RGS22: variants seen among roughly 807,000 people sequenced by gnomAD.
RGS22 encodes regulator of G protein signaling 22.
RGS22 carries 148 observed loss-of-function variants against 172.9 expected under a neutral mutation model. The ratio of observed to expected loss-of-function variants is 0.86; its 90% CI spans 0.75 to 0.98. RGS22 has a LOEUF of 0.98. Ranked by LOEUF, RGS22 falls within the 50% of genes least tolerant of loss-of-function variation. The pLI is 0.00. For synonymous variants in RGS22, 458 were observed against 480.2 expected, an observed-to-expected ratio of 0.95 and a Z score of 0.60; for missense variants, 1,347 against 1,440.8, an observed-to-expected ratio of 0.93 and a Z score of 1.05.
intron 14 of RGS22, among the ~76,000 whole-genome samples, chr8:100,030,371 T>C (rs1224310273): frequency 2.6e-5 from 4 of 152,244 alleles, no homozygotes; most frequent in Admixed American, 2.6e-4. Context: ...TTTTTTAGAA[T>C]GTACTCCTTC....
At chr8:99,981,281 A>C (rs1812520930) in intron 22 of RGS22, among the ~76,000 whole-genome samples, 1 of 152,184 alleles carries the variant, frequency 6.6e-6, no homozygotes, top group African/African-American at 2.4e-5. Flanking sequence ...TTTTCCTTTC[A>C]TGAGTTTGTA....
intron 4 of RGS22, among the ~76,000 whole-genome samples, chr8:100,072,808 C>G (rs1009141069): frequency 6.6e-6 from 1 of 152,164 alleles, no homozygotes; most frequent in Admixed American, 6.5e-5. Context: ...AGGTTTCCCA[C>G]AGAACACGCA....
chr8:100,101,366 A>C (rs1813467312), intron 2 of RGS22, among the ~76,000 whole-genome samples: 1 of 150,038 alleles, frequency 6.7e-6, no homozygotes, highest in South Asian at 2.1e-4. Context: ...AGCTCGCTGC[A>C]ACCTCTGCCT....
intron 23 of RGS22, among the ~76,000 whole-genome samples, chr8:99,966,274 A>T (rs1810721933): frequency 6.6e-6 from 1 of 152,170 alleles, no homozygotes; most frequent in Non-Finnish European, 1.5e-5. Context: ...TGACTCCAAA[A>T]GTTGGGAGGG....
intron 4 of RGS22, among the ~76,000 whole-genome samples, chr8:100,077,156 A>C (rs995155397): frequency 1.1e-4 from 17 of 151,956 alleles, no homozygotes; most frequent in Admixed American, 4.6e-4. Context: ...CTTTTTCTTC[A>C]TCATTCTGGC....
At position 100,051,693 on chromosome 8, in the gene RGS22, T is replaced by TCG. The variant is rs1563670590; in HGVS notation, c.1689+1108_1689+1109insCG. ...TATATATGTTTATACATATATATATTTATATATACGTATATATAAATATAT... is the reference window on the plus strand; with the variant it reads ...TATATATGTTTATACATATATATATTCGTATATATACGTATATATAAATATAT... On this transcript the variant is annotated intron_variant, in intron 10 of 27. Coordinates refer to ENST00000360863, the MANE Select transcript of RGS22 (RefSeq NM_015668.5). 2.0e-3 allele frequency among the ~76,000 whole-genome samples: 25 copies of TCG among 12,532 alleles called. 8 individuals are homozygous for TCG. Among genetic ancestry groups the TCG allele is most frequent in the African/African-American group, 0.017 (25 of 1,480 alleles). 8.2% of individuals were successfully genotyped at this position (12,532 alleles called of 152,430 possible). A position where few individuals can be genotyped will look rare whatever the true frequency, so the allele number is the denominator to read the frequency against.
chr8:100,052,105 AAATG>A (rs1821651050), intron 10 of RGS22, among the ~76,000 whole-genome samples: 1 of 60,642 alleles, frequency 1.6e-5, no homozygotes, highest in African/African-American at 5.9e-5. Context: ...ATTTATATAT[AAATG>A]TTTATATATA....
intron 4 of RGS22, among the ~76,000 whole-genome samples, chr8:100,073,510 T>C (rs1177204271): frequency 1.3e-5 from 2 of 152,074 alleles, no homozygotes; most frequent in Non-Finnish European, 1.5e-5. Flanking sequence ...AAGAAAACCA[T>C]GGAAATAGCC....
At chr8:100,072,815 C>T (rs1014574681) in intron 4 of RGS22, among the ~76,000 whole-genome samples, 5 of 152,146 alleles carry the variant, frequency 3.3e-5, no homozygotes, top group African/African-American at 7.2e-5. Context: ...CCACAGAACA[C>T]GCACTTCACT....
At chr8:100,042,770 T>C (rs190040410) in intron 11 of RGS22, 2 of 152,328 alleles carry the variant, frequency 1.3e-5, no homozygotes, top group East Asian at 1.9e-4. Flanking sequence ...CATTTCCTCA[T>C]GTAGCCGAAT....
chr8:99,986,129 C>T (rs962513598), intron 21 of RGS22, among the ~76,000 whole-genome samples: 1 of 151,816 alleles, frequency 6.6e-6, no homozygotes, highest in Admixed American at 6.6e-5. Flanking sequence ...ACTTGGGAGG[C>T]TGAGGTGGGA....
At chr8:100,052,220 C>A (rs1192506580) in intron 10 of RGS22, among the ~76,000 whole-genome samples, 2,879 of 82,916 alleles carry the variant, frequency 0.035, 360 homozygotes, top group African/African-American at 0.14. Context: ...TATAAATATA[C>A]ACATATATAT....
rs1563673374 is a variant in RGS22, at chr8:100,052,206, C to CATATAA, written c.1689+595_1689+596insTTATAT. ...ATATAAACATATATAAATATATAAA[C>CATATAA]ATATATAAATATACACATATATATG... On this transcript the variant is annotated intron_variant, in intron 10 of 27. Transcript: ENST00000360863. 1.9e-4 allele frequency among the ~76,000 whole-genome samples: 22 copies of CATATAA among 116,892 alleles called. 1 individual carries two copies. Among genetic ancestry groups the CATATAA allele is most frequent in the African/African-American group, 5.7e-4 (16 of 28,122 alleles). 76.7% of individuals were successfully genotyped at this position (116,892 alleles called of 152,430 possible).
Position 100,105,398 on chromosome 8 carries a change from T to G in RGS22, c.30A>C (p.Pro10=), listed in dbSNP as rs1007015936. 6.2e-7 allele frequency: 1 copy of G among 1,609,534 alleles called. No homozygotes were observed. The highest frequency in any genetic ancestry group is 1.3e-5 in the African/African-American group (1 of 74,804). The stretch of plus-strand genomic sequence containing the variant: ...CAAATTCTTCTTCTGTAATAGTTGG[T>G]GGCTCTGAAACAAGACAAAATATTA... MPEKRLTAE[P]PTITEEEFED... The change falls in exon 2 of 28, where the codon CCA becomes CCC. Residue 10 remains proline (P), a synonymous_variant. Coordinates refer to ENST00000360863, the MANE Select transcript of RGS22 (RefSeq NM_015668.5).
At chr8:100,005,777 C>G (rs960513253) in intron 16 of RGS22, among the ~76,000 whole-genome samples, 2 of 152,288 alleles carry the variant, frequency 1.3e-5, no homozygotes, top group South Asian at 2.1e-4. Flanking sequence ...TTAGCTAAGG[C>G]AAATGAGTGG....
Position 99,962,670 on chromosome 8 carries a change from C to T in RGS22, c.3790+17G>A. 1 of 1,586,890 alleles carries T rather than the reference C, an allele frequency of 6.3e-7. No individual in the cohort carries two copies. The highest frequency in any genetic ancestry group is 8.6e-7 in the Non-Finnish European group (1 of 1,168,180). ...AAAGAAAGAAACAACTGAAGATAGA[C>T]TACACTGGAAACTCACTCTGGCTGC... On this transcript the variant is annotated intron_variant, in intron 26 of 27. Coordinates refer to ENST00000360863, the MANE Select transcript of RGS22 (RefSeq NM_015668.5).
At chr8:100,088,143 T>A (rs941879575) in intron 3 of RGS22, among the ~76,000 whole-genome samples, 5 of 152,036 alleles carry the variant, frequency 3.3e-5, no homozygotes, top group African/African-American at 1.2e-4. Context: ...TATAACTCCT[T>A]CATAAAGCTG....
In RGS22 at chr8:100,105,388, T is replaced by C. The variant is rs751002688; in HGVS notation, c.40A>G (p.Thr14Ala). The C allele has an allele frequency of 6.2e-7, 1 of 1,609,738 alleles. No individual in the cohort carries two copies. The highest frequency in any genetic ancestry group is 8.5e-7 in the Non-Finnish European group (1 of 1,176,418). ...KRLTAEPPTI[T>A]EEEFEDSLAT... ...ATGATACTTACAAATTCTTCTTCTG[T>C]AATAGTTGGTGGCTCTGAAACAAGA... The change falls in exon 2 of 28, where the codon ACA becomes GCA. Residue 14 changes from threonine (T) to alanine (A), a missense_variant. Transcript: ENST00000360863.
At chr8:100,077,335 A>G (rs536771155) in intron 4 of RGS22, among the ~76,000 whole-genome samples, 1 of 152,240 alleles carries the variant, frequency 6.6e-6, no homozygotes, top group Admixed American at 6.5e-5. Context: ...CAAGTAGATC[A>G]TAGATTTATT....
Sources: allele counts gnomAD v4.1 joint callset (sites outside exome capture counted in the v4.1 genomes callset), GRCh38; gene constraint gnomAD v4.1.1; transcripts MANE v1.5; gene names NCBI Gene and HGNC (gene_info 2026-07-23, HGNC 2026-07-21).